The following EPSTI1 variants were observed in gnomAD, a reference collection of about 807,000 sequenced individuals.
EPSTI1 encodes epithelial-stromal interaction protein 1.
A neutral mutation model predicts 49.9 loss-of-function variants in EPSTI1; 66 were observed. That is an observed-to-expected ratio of 1.32 (90% confidence interval 1.08 to 1.62). The LOEUF is 1.62. Ranked by LOEUF, EPSTI1 falls within the 40% of genes most tolerant of loss-of-function variation. The pLI is 0.00. For synonymous variants in EPSTI1, 137 were observed against 130.7 expected, an observed-to-expected ratio of 1.05 and a Z score of -0.33; for missense variants, 394 against 365.5, an observed-to-expected ratio of 1.08 and a Z score of -0.64.
At chr13:42,980,428 G>A (rs1391134368) in intron 1 of EPSTI1, among the ~76,000 whole-genome samples, 1 of 152,200 alleles carries the variant, frequency 6.6e-6, no homozygotes, top group Non-Finnish European at 1.5e-5. Flanking sequence ...CCACATGGCT[G>A]GGGAGGCCTC....
At chr13:42,907,575 T>C (rs539133284) in intron 8 of EPSTI1, among the ~76,000 whole-genome samples, 1 of 152,354 alleles carries the variant, frequency 6.6e-6, no homozygotes, top group Admixed American at 6.5e-5. Flanking sequence ...CTCTCACCAG[T>C]AATAGTACTT....
chr13:42,949,604 A>AAAAAAAG (rs2039034145), intron 6 of EPSTI1, among the ~76,000 whole-genome samples: 1 of 151,862 alleles, frequency 6.6e-6, no homozygotes, highest in African/African-American at 2.4e-5. Context: ...AAAAAAAAAA[A>AAAAAAAG]AAAAGAAAAG....
intron 8 of EPSTI1, among the ~76,000 whole-genome samples, chr13:42,903,935 T>C (rs1238912170): frequency 6.6e-6 from 1 of 152,192 alleles, no homozygotes; most frequent in African/African-American, 2.4e-5. Context: ...AATTAAAAAA[T>C]TAACTGTTAA....
At chr13:42,947,427 T>C (rs2038951301) in intron 6 of EPSTI1, among the ~76,000 whole-genome samples, 1 of 152,200 alleles carries the variant, frequency 6.6e-6, no homozygotes, top group African/African-American at 2.4e-5. Context: ...GGAGCCTTCT[T>C]CTCCTCCTTC....
intron 1 of EPSTI1, 48 bp downstream of exon 1, chr13:42,991,930 T>C: frequency 6.2e-7 from 1 of 1,608,520 alleles, no homozygotes; most frequent in Non-Finnish European, 8.5e-7. Flanking sequence ...AGTGAGTATG[T>C]TTGGGGCCCG....
At chr13:42,973,806 G>A (rs995868925) in intron 1 of EPSTI1, among the ~76,000 whole-genome samples, 3 of 151,942 alleles carry the variant, frequency 2.0e-5, no homozygotes, top group African/African-American at 7.3e-5. Flanking sequence ...CCAACATTTC[G>A]CATTCTTGTC....
Position 42,970,669 on chromosome 13 carries a change from T to C in EPSTI1, c.190A>G (p.Thr64Ala), listed in dbSNP as rs140812841. ...ESVVHAGQRR[T>A]SAYTLIAPNI... ...GGTGCTATCAAGGTGTATGCACTTGTGCTAAAAGGAAGAGAAAAAAAAATG... is the reference window on the plus strand; with the variant it reads ...GGTGCTATCAAGGTGTATGCACTTGCGCTAAAAGGAAGAGAAAAAAAAATG... The change falls in exon 2 of 11, where the codon ACA becomes GCA. Residue 64 changes from threonine (T) to alanine (A), a missense_variant and splice_region_variant. Physicochemically the swap from Thr to Ala is moderately conservative, Grantham distance 58. Coordinates refer to ENST00000313624, the MANE Select transcript of EPSTI1 (RefSeq NM_033255.5). 5.0e-4 allele frequency: 795 copies of C among 1,596,350 alleles called. 3 individuals carry two copies. In the African/African-American group the frequency reaches 9.1e-3, roughly 18 times the overall value.
intron 1 of EPSTI1, among the ~76,000 whole-genome samples, chr13:42,977,361 T>A (rs531551353): frequency 7.9e-5 from 12 of 152,352 alleles, no homozygotes; most frequent in African/African-American, 2.9e-4. Context: ...ACAGAGAATG[T>A]GCCCAATTAA....
At chr13:42,975,285 T>A (rs1191498496) in intron 1 of EPSTI1, among the ~76,000 whole-genome samples, 1 of 152,188 alleles carries the variant, frequency 6.6e-6, no homozygotes, top group Non-Finnish European at 1.5e-5. Flanking sequence ...GCCGAGCGAA[T>A]TACCCTTGAC....
At chr13:42,905,665 T>A (rs1224775128) in intron 8 of EPSTI1, among the ~76,000 whole-genome samples, 1 of 152,148 alleles carries the variant, frequency 6.6e-6, no homozygotes, top group Non-Finnish European at 1.5e-5. Context: ...TCAATGCATA[T>A]TGTCACACGC....
intron 1 of EPSTI1, among the ~76,000 whole-genome samples, chr13:42,984,671 A>G (rs2040047088): frequency 6.6e-6 from 1 of 152,256 alleles, no homozygotes; most frequent in Admixed American, 6.5e-5. Flanking sequence ...TTAAGGAGAA[A>G]AGAGAAAAAT....
Position 42,887,680 on chromosome 13 carries a change from A to G in EPSTI1, c.*814T>C, listed in dbSNP as rs2036902211. On this transcript the variant is annotated 3_prime_UTR_variant, in exon 11 of 11. Transcript: ENST00000313624. ...AGAAGTGAATAAGAAAGCCAACTGAACTAGCAATAGGAAATAGGTTACACA... is the reference window on the plus strand; with the variant it reads ...AGAAGTGAATAAGAAAGCCAACTGAGCTAGCAATAGGAAATAGGTTACACA... The G allele has an allele frequency of 6.6e-6, 1 of 152,270 alleles. No homozygotes were observed. The highest frequency in any genetic ancestry group is 2.1e-4 in the South Asian group (1 of 4,826). 9.4% of individuals were successfully genotyped at this position (152,270 alleles called of 1,614,324 possible).
chr13:42,991,971 T>C lies in EPSTI1; in HGVS notation c.188+7A>G. The stretch of plus-strand genomic sequence containing the variant: ...CCGCCCCGAAGCCAGGTTGTTAAAA[T>C]ACTCACCGCCTCTGGCCCGCGTGCA... On this transcript the variant is annotated splice_region_variant and intron_variant, in intron 1 of 10. Coordinates refer to ENST00000313624, the MANE Select transcript of EPSTI1 (RefSeq NM_033255.5). 6.2e-7 allele frequency: 1 copy of C among 1,611,328 alleles called. No individual in the cohort carries two copies. Among genetic ancestry groups the C allele is most frequent in the Non-Finnish European group, 8.5e-7 (1 of 1,179,400 alleles).
chr13:42,908,821 G>A (rs2037577118), intron 8 of EPSTI1, among the ~76,000 whole-genome samples: 1 of 151,884 alleles, frequency 6.6e-6, no homozygotes, highest in Admixed American at 6.6e-5. Flanking sequence ...AGTGGCTCAT[G>A]CCTATAATCC....
intron 10 of EPSTI1, among the ~76,000 whole-genome samples, chr13:42,891,232 T>C (rs1344942392): frequency 6.6e-6 from 1 of 152,246 alleles, no homozygotes; most frequent in Non-Finnish European, 1.5e-5. Flanking sequence ...AAAGTCATGT[T>C]TACCTGCTTA....
intron 6 of EPSTI1, among the ~76,000 whole-genome samples, chr13:42,948,898 C>T (rs2039005907): frequency 6.6e-6 from 1 of 152,168 alleles, no homozygotes; most frequent in African/African-American, 2.4e-5. Context: ...CCCAAGCCCC[C>T]CAACAGACTT....
At chr13:42,898,530 T>C (rs2037261277) in intron 9 of EPSTI1, among the ~76,000 whole-genome samples, 1 of 152,234 alleles carries the variant, frequency 6.6e-6, no homozygotes, top group Admixed American at 6.5e-5. Context: ...CTTCTTGGAT[T>C]AAATTTGGAG....
intron 1 of EPSTI1, among the ~76,000 whole-genome samples, chr13:42,984,254 C>A (rs2040039392): frequency 6.6e-6 from 1 of 152,200 alleles, no homozygotes; most frequent in Non-Finnish European, 1.5e-5. Flanking sequence ...TTACCCAATT[C>A]TCCATCTCCA....
intron 2 of EPSTI1, chr13:42,970,355 T>G (rs1175595203): frequency 2.7e-6 from 1 of 369,874 alleles, no homozygotes; most frequent in Non-Finnish European, 4.8e-6. Flanking sequence ...TGGCAATAAG[T>G]GTAAAGTTGT....
Sources: allele counts gnomAD v4.1 joint callset (sites outside exome capture counted in the v4.1 genomes callset), GRCh38; gene constraint gnomAD v4.1.1; transcripts MANE v1.5; gene names NCBI Gene and HGNC (gene_info 2026-07-23, HGNC 2026-07-21).